ADGRL3: variants seen among roughly 807,000 people sequenced by gnomAD.
The protein encoded by ADGRL3 is adhesion G protein-coupled receptor L3.
ADGRL3 carries 62 observed loss-of-function variants against 153.5 expected under a neutral mutation model. The observed-to-expected ratio is 0.40, with a 90% CI of 0.33 to 0.50. The LOEUF (loss-of-function observed/expected upper bound fraction) is 0.50, where lower values mean the gene tolerates loss of function less well. Ranked by LOEUF, ADGRL3 falls within the 20% of genes least tolerant of loss-of-function variation. The probability of loss-of-function intolerance (pLI) is 0.47; values close to 1 mark genes in which losing one functional copy is unlikely to be tolerated. For missense variants in ADGRL3, 1,641 were observed against 1,859.4 expected (o/e 0.88, Z 2.16); for synonymous variants, 710 against 672.5 (o/e 1.06, Z -0.86).
chr4:61,720,892 G>A (rs913306940), intron 6 of ADGRL3, among the ~76,000 whole-genome samples: 1 of 152,106 alleles, frequency 6.6e-6, no homozygotes, highest in Admixed American at 6.6e-5. Flanking sequence ...TGCAGGCTTC[G>A]AAGTTCAAAC....
chr4:61,411,220 T>C (rs975921844), intron 2 of ADGRL3, among the ~76,000 whole-genome samples: 5 of 151,724 alleles, frequency 3.3e-5, no homozygotes, highest in African/African-American at 9.7e-5. Flanking sequence ...CATTCAGTGA[T>C]CATGTCTCTT....
At chr4:61,555,651 C>G (rs1410793871) in intron 4 of ADGRL3, among the ~76,000 whole-genome samples, 3 of 152,064 alleles carry the variant, frequency 2.0e-5, no homozygotes. Flanking sequence ...CAGGGCGAGT[C>G]TGTAAAGTGA....
At chr4:61,493,355 T>C (rs150491603) in intron 2 of ADGRL3, among the ~76,000 whole-genome samples, 1 of 152,118 alleles carries the variant, frequency 6.6e-6, no homozygotes, top group Non-Finnish European at 1.5e-5. Context: ...CTAAATCAAA[T>C]GTCAAATGTC....
At position 61,349,223 on chromosome 4, in the gene ADGRL3, A is replaced by G. The variant is rs1316385813; in HGVS notation, c.-239-33901A>G. 2.0e-5 allele frequency among the ~76,000 whole-genome samples: 3 copies of G among 152,098 alleles called. No homozygotes were observed. In the East Asian group the frequency reaches 5.8e-4, roughly 29 times the overall value. Reference sequence around the variant, plus strand: ...TCTTGTGAAGTAGCAAAACTTCATAATAAATAGACTTTTATATTGGTGTTC... The same window carrying G: ...TCTTGTGAAGTAGCAAAACTTCATAGTAAATAGACTTTTATATTGGTGTTC... On this transcript the variant is annotated intron_variant, in intron 1 of 26. Coordinates refer to ENST00000683033, the MANE Select transcript of ADGRL3 (RefSeq NM_001387552.1).
At chr4:61,317,342 G>T (rs898267214) in intron 1 of ADGRL3, among the ~76,000 whole-genome samples, 54 of 152,230 alleles carry the variant, frequency 3.5e-4, no homozygotes, top group African/African-American at 1.3e-3. Flanking sequence ...CAGATTTTTT[G>T]TGGAACCATA....
intron 1 of ADGRL3, among the ~76,000 whole-genome samples, chr4:61,362,318 T>G (rs1185842636): frequency 2.0e-5 from 3 of 150,312 alleles, no homozygotes; most frequent in African/African-American, 7.3e-5. Context: ...CGATCGAATA[T>G]TTGAAAATTA....
chr4:61,788,424 G>A (rs1212177717), intron 8 of ADGRL3, among the ~76,000 whole-genome samples: 2 of 152,118 alleles, frequency 1.3e-5, no homozygotes, highest in East Asian at 3.9e-4. Flanking sequence ...GCTAGACCCA[G>A]AAGAGCAATA....
chr4:61,695,958 C>T (rs1268149806), intron 6 of ADGRL3, among the ~76,000 whole-genome samples: 1 of 152,136 alleles, frequency 6.6e-6, no homozygotes, highest in Admixed American at 6.5e-5. Context: ...GCAGCTTCCT[C>T]ACCTCTCTCA....
Position 61,201,467 on chromosome 4 carries a change from G to A in ADGRL3, c.-538G>A, listed in dbSNP as rs1272432299. On this transcript the variant is annotated 5_prime_UTR_variant, in exon 1 of 27. Coordinates refer to ENST00000683033, the MANE Select transcript of ADGRL3 (RefSeq NM_001387552.1). ...TGCCCCCTTGGGGTGTGTGAAGCGAGGAACGTAAAGGAAGGCGAACATTTG... is the reference window on the plus strand; with the variant it reads ...TGCCCCCTTGGGGTGTGTGAAGCGAAGAACGTAAAGGAAGGCGAACATTTG... 6.6e-6 allele frequency: 1 copy of A among 152,252 alleles called. No individual in the cohort carries two copies. The highest frequency in any genetic ancestry group is 1.9e-4 in the East Asian group (1 of 5,164). The allele number at this position is 152,252 out of a possible 1,614,324, so 9.4% of individuals were successfully genotyped here. A position where few individuals can be genotyped will look rare whatever the true frequency, so the allele number is the denominator to read the frequency against.
At chr4:61,853,126 C>T (rs2098226719) in intron 9 of ADGRL3, among the ~76,000 whole-genome samples, 1 of 151,918 alleles carries the variant, frequency 6.6e-6, no homozygotes, top group African/African-American at 2.4e-5. Flanking sequence ...GGTGTGGAGC[C>T]ACTGCCCCTG....
At chr4:62,022,386 CAG>C (rs1560517316) in intron 21 of ADGRL3, among the ~76,000 whole-genome samples, 1 of 152,104 alleles carries the variant, frequency 6.6e-6, no homozygotes, top group Non-Finnish European at 1.5e-5. Context: ...CAAGATGAAG[CAG>C]AGAGTGCTGA....
intron 9 of ADGRL3, among the ~76,000 whole-genome samples, chr4:61,882,017 T>G (rs2149488594): frequency 6.6e-6 from 1 of 152,360 alleles, no homozygotes; most frequent in East Asian, 1.9e-4. Flanking sequence ...TTTGTTTCTT[T>G]ATTTGTTTTT....
chr4:61,484,770 C>T (rs1412747618), intron 2 of ADGRL3, among the ~76,000 whole-genome samples: 1 of 152,050 alleles, frequency 6.6e-6, no homozygotes, highest in Non-Finnish European at 1.5e-5. Context: ...ATTAAAATTA[C>T]TTTCAGTATT....
chr4:61,418,871 A>G (rs1470567099), intron 2 of ADGRL3, among the ~76,000 whole-genome samples: 3 of 150,816 alleles, frequency 2.0e-5, no homozygotes, highest in African/African-American at 7.4e-5. Context: ...GTAACATTTA[A>G]AACTTCTATC....
chr4:61,775,895 A>T (rs1580768381), intron 8 of ADGRL3: 1 of 250,976 alleles, frequency 4.0e-6, no homozygotes. Flanking sequence ...TTATTTATTT[A>T]TTTATTTATT....
At chr4:61,225,695 T>C (rs1747622257) in intron 1 of ADGRL3, among the ~76,000 whole-genome samples, 1 of 152,186 alleles carries the variant, frequency 6.6e-6, no homozygotes, top group African/African-American at 2.4e-5. Context: ...CTAGTTTTAC[T>C]TCCTTCTGCT....
Position 61,353,174 on chromosome 4 carries a change from A to T in ADGRL3, c.-239-29950A>T, listed in dbSNP as rs373338561. On this transcript the variant is annotated intron_variant, in intron 1 of 26. Coordinates refer to ENST00000683033, the MANE Select transcript of ADGRL3 (RefSeq NM_001387552.1). ...ATTTGTGTGCTATTTTGAATAAGTA[A>T]ATAAATAAGTCTGTATTTTTACATA... Among the ~76,000 whole-genome samples the T allele has an allele frequency of 1.8e-4, 28 of 152,236 alleles. 1 individual carries two copies. Among genetic ancestry groups the T allele is most frequent in the African/African-American group, 6.3e-4 (26 of 41,540 alleles).
At chr4:61,995,203 C>T (rs1209144905) in intron 19 of ADGRL3, among the ~76,000 whole-genome samples, 2 of 143,080 alleles carry the variant, frequency 1.4e-5, no homozygotes, top group Non-Finnish European at 3.1e-5. Context: ...CACACCCAGC[C>T]CCCAACTTTT....
intron 5 of ADGRL3, among the ~76,000 whole-genome samples, chr4:61,634,240 G>A (rs13110743): frequency 6.6e-6 from 1 of 152,092 alleles, no homozygotes; most frequent in Admixed American, 6.6e-5. Flanking sequence ...GCAGTCGTCA[G>A]CATATGATTT....
Sources: gnomAD v4.1 joint callset for allele counts (sites outside exome capture counted in the v4.1 genomes callset) on GRCh38, gnomAD v4.1.1 for gene constraint, MANE v1.5 for transcripts, NCBI Gene and HGNC (gene_info 2026-07-23, HGNC 2026-07-21) for gene names.